ZC3H18: variants seen among roughly 807,000 people sequenced by gnomAD.
ZC3H18 encodes the protein zinc finger CCCH-type containing 18, also known as zinc finger CCCH domain-containing protein 18.
Under a neutral mutation model 106.1 loss-of-function variants are expected in ZC3H18, and 8 were observed. That is an observed-to-expected ratio of 0.08 (90% confidence interval 0.04 to 0.14). The LOEUF is 0.14. Ranked by LOEUF, ZC3H18 falls within the 10% of genes least tolerant of loss-of-function variation. The pLI is 1.00. For missense variants in ZC3H18, 1,318 were observed against 1,278.4 expected, an observed-to-expected ratio of 1.03 and a Z score of -0.47; for synonymous variants, 635 against 522.1, an observed-to-expected ratio of 1.22 and a Z score of -2.95.
chr16:88,623,143 G>GC, intron 9 of ZC3H18, 76 bp from the exon 10 acceptor site: 1 of 1,556,914 alleles, frequency 6.4e-7, no homozygotes, highest in Non-Finnish European at 8.7e-7. Context: ...GTGTAGCTGT[G>GC]CATGTGTGCG....
intron 6 of ZC3H18, among the ~76,000 whole-genome samples, chr16:88,601,024 C>G (rs1020054546): frequency 1.3e-5 from 2 of 152,210 alleles, no homozygotes; most frequent in African/African-American, 4.8e-5. Flanking sequence ...GCTTGCACTC[C>G]AGGATTTGGT....
At chr16:88,628,147 G>T (rs372018579) in intron 15 of ZC3H18, 28 bp downstream of exon 15, 1 of 1,607,618 alleles carries the variant, frequency 6.2e-7, no homozygotes, top group African/African-American at 1.3e-5. Flanking sequence ...CCTGGTGGCT[G>T]CCCCAGCGTC....
rs540575934 is a variant in ZC3H18 at position 88,573,367 on chromosome 16, C to T, written c.-15+2801C>T. 2.0e-5 allele frequency among the ~76,000 whole-genome samples: 3 copies of T among 152,108 alleles called. No individual in the cohort carries two copies. In the East Asian group the frequency reaches 5.8e-4, roughly 29 times the overall value. On this transcript the variant is annotated intron_variant, in intron 1 of 17. Transcript: ENST00000301011. The stretch of plus-strand genomic sequence containing the variant: ...ATAGCTAGGCAAGAGAGAGAATTGC[C>T]AGTTTGCCACCGGTGACTTACTGCC...
In ZC3H18 at chr16:88,611,401, A is replaced by C; in HGVS notation, c.1340A>C (p.Gln447Pro). 1 of 1,233,804 alleles carries C rather than the reference A, an allele frequency of 8.1e-7. No homozygotes were observed. Among genetic ancestry groups the C allele is most frequent in the Non-Finnish European group, 1.2e-6 (1 of 856,784 alleles). 76.4% of individuals were successfully genotyped at this position (1,233,804 alleles called of 1,614,324 possible). ...GAGCGCGAGCGCGACAAGGAGCGGCAGCGGAGGAAGGAGGAGTGGGAGCGT... is the reference window on the plus strand; with the variant it reads ...GAGCGCGAGCGCGACAAGGAGCGGCCGCGGAGGAAGGAGGAGTGGGAGCGT... ...ERERERDKER[Q>P]RRKEEWERER... is the part of the protein sequence containing the mutation. The change falls in exon 8 of 18, where the codon CAG becomes CCG. Residue 447 changes from glutamine to proline, a missense_variant. Physicochemically the swap from Gln to Pro is moderately conservative, Grantham distance 76. Transcript: ENST00000301011.
intron 1 of ZC3H18, among the ~76,000 whole-genome samples, chr16:88,573,618 T>C (rs751730734): frequency 6.6e-6 from 1 of 151,918 alleles, no homozygotes; most frequent in Non-Finnish European, 1.5e-5. Flanking sequence ...TACCATGTTA[T>C]CTAGGCTGGA....
In ZC3H18 at chr16:88,614,727, G is replaced by A. The variant is rs138910869; in HGVS notation, c.1475+3191G>A. ...ACATGGTCATCCAAACGGGGAAACC[G>A]TCATTGACCTTGACATTGTGCCGCC... On this transcript the variant is annotated intron_variant, in intron 8 of 17. Transcript: ENST00000301011. 1.1e-4 allele frequency among the ~76,000 whole-genome samples: 16 copies of A among 152,352 alleles called. No individual in the cohort carries two copies. In the East Asian group the frequency reaches 2.1e-3, roughly 20 times the overall value.
chr16:88,631,445 C>A lies in ZC3H18; in HGVS notation c.*146C>A. The A allele has an allele frequency of 8.7e-7, 1 of 1,155,570 alleles. No homozygotes were observed. Among genetic ancestry groups the A allele is most frequent in the Non-Finnish European group, 1.2e-6 (1 of 819,130 alleles). The allele number at this position is 1,155,570 out of a possible 1,614,324, so 71.6% of individuals were successfully genotyped here. ...AGTTTCTCAGCTGGAAAAGAAGCCA[C>A]ACAGGAAATGACAACGACGCTGAAT... On this transcript the variant is annotated 3_prime_UTR_variant, in exon 18 of 18. Transcript: ENST00000301011.
At chr16:88,626,759 G>A (rs2142829861) in intron 13 of ZC3H18, 1 of 152,308 alleles carries the variant, frequency 6.6e-6, no homozygotes, top group African/African-American at 2.4e-5. Flanking sequence ...CAATGTACCT[G>A]GAAGACGTGG....
intron 17 of ZC3H18, among the ~76,000 whole-genome samples, chr16:88,630,809 C>T (rs1906638732): frequency 7.3e-6 from 1 of 137,776 alleles, no homozygotes. Context: ...CTGGAGGGTG[C>T]CCTCTGCTCC....
intron 6 of ZC3H18, among the ~76,000 whole-genome samples, chr16:88,605,245 TG>T (rs1361820895): frequency 1.3e-5 from 2 of 152,186 alleles, no homozygotes; most frequent in Non-Finnish European, 2.9e-5. Flanking sequence ...CTGCTCCACA[TG>T]GGTAAGCCCA....
At chr16:88,582,517 G>A (rs1024064414) in intron 2 of ZC3H18, among the ~76,000 whole-genome samples, 7 of 152,108 alleles carry the variant, frequency 4.6e-5, no homozygotes, top group Non-Finnish European at 8.8e-5. Context: ...ATTCTTCAGC[G>A]AGCCTCATGG....
intron 3 of ZC3H18, among the ~76,000 whole-genome samples, chr16:88,588,390 A>G (rs1168453417): frequency 6.6e-6 from 1 of 152,228 alleles, no homozygotes; most frequent in African/African-American, 2.4e-5. Context: ...AGGCTGCAGC[A>G]TCCACCAGGG....
At chr16:88,592,801 C>T (rs553599462) in intron 3 of ZC3H18, among the ~76,000 whole-genome samples, 9 of 152,198 alleles carry the variant, frequency 5.9e-5, no homozygotes, top group African/African-American at 1.7e-4. Flanking sequence ...ACTGGCATTT[C>T]GAATGCCACT....
intron 3 of ZC3H18, among the ~76,000 whole-genome samples, chr16:88,594,386 G>T (rs1347156126): frequency 6.6e-6 from 1 of 152,202 alleles, no homozygotes; most frequent in Non-Finnish European, 1.5e-5. Flanking sequence ...ACAGGGAATT[G>T]ATATTTACTG....
chr16:88,574,739 C>T lies in ZC3H18; in HGVS notation c.-14-2371C>T, dbSNP rs1411830001. ...ATGTTGCCCAAGCTGGTCTAGAACT[C>T]CTGGACTCAAGTGATCCGCCCACCT... On this transcript the variant is annotated intron_variant, in intron 1 of 17. Coordinates refer to ENST00000301011, the MANE Select transcript of ZC3H18 (RefSeq NM_144604.4). Among the ~76,000 whole-genome samples, 2 of 141,884 alleles carry T rather than the reference C, an allele frequency of 1.4e-5. 1 individual carries two copies. Among genetic ancestry groups the T allele is most frequent in the Non-Finnish European group, 3.0e-5 (2 of 65,932 alleles). The allele number at this position is 141,884 out of a possible 152,430, so 93.1% of individuals were successfully genotyped here. A position where few individuals can be genotyped will look rare whatever the true frequency, so the allele number is the denominator to read the frequency against.
chr16:88,576,982 G>T (rs1914791148), intron 1 of ZC3H18, 128 bp from the exon 2 acceptor site: 1 of 882,344 alleles, frequency 1.1e-6, no homozygotes, highest in East Asian at 2.7e-5. Flanking sequence ...AGTGGAGTGT[G>T]GGATTTGGGG....
intron 6 of ZC3H18, among the ~76,000 whole-genome samples, chr16:88,607,034 G>A (rs11647755): frequency 0.026 from 4,016 of 152,296 alleles, 77 homozygotes; most frequent in Non-Finnish European, 0.041. Context: ...CACAGGAAAG[G>A]AGATGCAGAG....
chr16:88,611,464 G>A lies in ZC3H18; in HGVS notation c.1403G>A (p.Arg468His), dbSNP rs1445841130. 4.5e-6 allele frequency: 7 copies of A among 1,544,932 alleles called. No individual in the cohort carries two copies. The highest frequency in any genetic ancestry group is 2.4e-5 in the East Asian group (1 of 40,862). Residue 468 changes from arginine (R) to histidine (H), a missense_variant, in exon 8 of 18, where the codon CGT becomes CAT. Transcript: ENST00000301011. The part of the protein sequence containing the change: ...AKRDEKDRQH[R>H]DRDREKEREK... ...CGGGACGAGAAGGACCGGCAGCACC[G>A]TGACCGCGACCGGGAGAAGGAGCGG... is the stretch of plus-strand genomic sequence containing the variant.
rs747759172 is a variant in ZC3H18, at chr16:88,586,656, T to C, written c.660T>C (p.Pro220=). The change falls in exon 3 of 18, where the codon CCT becomes CCC. Residue 220 remains proline, a synonymous_variant. Transcript: ENST00000301011. ...VKDPSDRKVR[P]RPTCRFFMKG... ...ACCCCAGTGACAGGAAGGTGAGGCC[T>C]CGTCCCACCTGCCGGTTCTTCATGA... The C allele has an allele frequency of 1.2e-6, 2 of 1,614,204 alleles. No homozygotes were observed. Among genetic ancestry groups the C allele is most frequent in the Non-Finnish European group, 1.7e-6 (2 of 1,180,028 alleles).
Sources: gnomAD v4.1 joint callset for allele counts (sites outside exome capture counted in the v4.1 genomes callset) on GRCh38, gnomAD v4.1.1 for gene constraint, MANE v1.5 for transcripts, NCBI Gene and HGNC (gene_info 2026-07-23, HGNC 2026-07-21) for gene names.